Variants in SLC28A3 observed in about 807,000 individuals in gnomAD.
The protein encoded by SLC28A3 is concentrative Na(+)-nucleoside cotransporter 3.
Under a neutral mutation model 84.2 loss-of-function variants are expected in SLC28A3, and 68 were observed. That is an observed-to-expected ratio of 0.81 (90% confidence interval 0.66 to 0.99). The LOEUF (loss-of-function observed/expected upper bound fraction) is 0.99. SLC28A3 is among the 50% of genes least tolerant of loss of function. SLC28A3 has a pLI of 0.00. For synonymous variants in SLC28A3, 267 were observed against 303.6 expected, an observed-to-expected ratio of 0.88 and a Z score of 1.25; for missense variants, 712 against 841.5, an observed-to-expected ratio of 0.85 and a Z score of 1.90.
the SLC28A3 span, among the ~76,000 whole-genome samples, chr9:84,366,665 A>G: frequency 4.5e-4 from 68 of 152,300 alleles, no homozygotes; most frequent in African/African-American, 1.6e-3. Flanking sequence ...ATGGTCTTGG[A>G]CAAGATCTAG....
At chr9:84,297,883 G>A in intron 7 of SLC28A3, 23 bp downstream of exon 7, 1 of 1,571,372 alleles carries the variant, frequency 6.4e-7, no homozygotes, top group Non-Finnish European at 8.6e-7. Flanking sequence ...TAAAAGCAAA[G>A]TGTTCTTTTG....
intron 10 of SLC28A3, among the ~76,000 whole-genome samples, chr9:84,290,991 G>T (rs1363315840): frequency 6.6e-6 from 1 of 152,200 alleles, no homozygotes; most frequent in Non-Finnish European, 1.5e-5. Flanking sequence ...CATTAAGGAG[G>T]ACAGGCAGCC....
chr9:84,314,820 C>T (rs547451804), intron 1 of SLC28A3, among the ~76,000 whole-genome samples: 52 of 152,214 alleles, frequency 3.4e-4, no homozygotes, highest in Admixed American at 5.2e-4. Context: ...GGCTGACGCC[C>T]GTAATCCCAG....
chr9:84,297,351 A>T lies in SLC28A3; in HGVS notation c.784-53T>A. On this transcript the variant is annotated intron_variant, in intron 7 of 17. Coordinates refer to ENST00000376238, the MANE Select transcript of SLC28A3 (RefSeq NM_001199633.2). Reference sequence around the variant, plus strand: ...CATTCCAACCACATGACTGGAAATTAGACAGTGCACAGGAATGCTAGGCTC... The same window carrying T: ...CATTCCAACCACATGACTGGAAATTTGACAGTGCACAGGAATGCTAGGCTC... 4 of 1,438,174 alleles carry T rather than the reference A, an allele frequency of 2.8e-6. No homozygotes were observed. The South Asian group carries it at 4.7e-5, about 17-fold the overall frequency. 89.1% of individuals were successfully genotyped at this position (1,438,174 alleles called of 1,614,324 possible). A position where few individuals can be genotyped will look rare whatever the true frequency, so the allele number is the denominator to read the frequency against.
At chr9:84,303,352 C>T (rs1825691992) in intron 4 of SLC28A3, among the ~76,000 whole-genome samples, 1 of 152,166 alleles carries the variant, frequency 6.6e-6, no homozygotes, top group Admixed American at 6.5e-5. Context: ...TGGAGTTTTG[C>T]TCTTGTTGCC....
At position 84,278,055 on chromosome 9, in the gene SLC28A3, T is replaced by A; in HGVS notation, c.*163A>T. Reference sequence around the variant, plus strand: ...GGGAGGGAGGGGAGGAGGAAAATGTTGTAGCTTTGAAGGTCCACTCTTGTT... The same window carrying A: ...GGGAGGGAGGGGAGGAGGAAAATGTAGTAGCTTTGAAGGTCCACTCTTGTT... On this transcript the variant is annotated 3_prime_UTR_variant, in exon 18 of 18. Transcript: ENST00000376238. 1.1e-6 allele frequency: 1 copy of A among 915,780 alleles called. No individual in the cohort carries two copies. The highest frequency in any genetic ancestry group is 1.6e-6 in the Non-Finnish European group (1 of 636,796). The allele number at this position is 915,780 out of a possible 1,614,324, so 56.7% of individuals were successfully genotyped here.
In SLC28A3 at chr9:84,279,963, A is replaced by G. The variant is rs769720050; in HGVS notation, c.1828+12T>C. Reference sequence around the variant, plus strand: ...CTGTGGGCACTGGGACACAAAGGACAGGGTGCGGTACCTGCGATGCAGGCT... The same window carrying G: ...CTGTGGGCACTGGGACACAAAGGACGGGGTGCGGTACCTGCGATGCAGGCT... On this transcript the variant is annotated intron_variant, in intron 16 of 17. Coordinates refer to ENST00000376238, the MANE Select transcript of SLC28A3 (RefSeq NM_001199633.2). The G allele has an allele frequency of 6.2e-6, 10 of 1,612,794 alleles. No homozygotes were observed. In the South Asian group the frequency reaches 1.1e-4, roughly 18 times the overall value.
At chr9:84,317,534 T>G (rs1028799582) in intron 1 of SLC28A3, among the ~76,000 whole-genome samples, 8 of 152,200 alleles carry the variant, frequency 5.3e-5, no homozygotes, top group Non-Finnish European at 1.2e-4. Context: ...AGCCTCTCCC[T>G]GGCACTGTGC....
chr9:84,321,733 C>CAAA (rs10707383), intron 1 of SLC28A3, among the ~76,000 whole-genome samples: 18 of 65,074 alleles, frequency 2.8e-4, no homozygotes, highest in South Asian at 1.2e-3. Context: ...GACTCCGTCT[C>CAAA]AAAAAAAAAA....
chr9:84,331,673 C>T (rs1349928115), intron 1 of SLC28A3, among the ~76,000 whole-genome samples: 1 of 152,146 alleles, frequency 6.6e-6, no homozygotes, highest in African/African-American at 2.4e-5. Context: ...GGGTTCTGTG[C>T]CTCTGAGAGC....
At chr9:84,362,958 TA>T in the SLC28A3 span, among the ~76,000 whole-genome samples, 1 of 152,162 alleles carries the variant, frequency 6.6e-6, no homozygotes, top group Non-Finnish European at 1.5e-5. Context: ...GTAAAAAAGA[TA>T]AAAATATTTT....
At chr9:84,356,467 C>T in the SLC28A3 span, among the ~76,000 whole-genome samples, 2 of 152,168 alleles carry the variant, frequency 1.3e-5, no homozygotes, top group Admixed American at 6.6e-5. Flanking sequence ...CCTGGGGCTC[C>T]ATCCAGCTAA....
In SLC28A3 at chr9:84,278,099, T is replaced by C. The variant is rs1824589484; in HGVS notation, c.*119A>G. 7.5e-7 allele frequency: 1 copy of C among 1,327,688 alleles called. No individual in the cohort carries two copies. Among genetic ancestry groups the C allele is most frequent in the African/African-American group, 1.5e-5 (1 of 68,196 alleles). The allele number at this position is 1,327,688 out of a possible 1,614,324, so 82.2% of individuals were successfully genotyped here. A position where few individuals can be genotyped will look rare whatever the true frequency, so the allele number is the denominator to read the frequency against. ...TCTTGTTTTTCTTCATTCCTTGCAA[T>C]TAAAGCTGATTCCATTATGGAAGCA... On this transcript the variant is annotated 3_prime_UTR_variant, in exon 18 of 18. Coordinates refer to ENST00000376238, the MANE Select transcript of SLC28A3 (RefSeq NM_001199633.2).
intron 1 of SLC28A3, among the ~76,000 whole-genome samples, chr9:84,314,863 G>A (rs904568753): frequency 6.6e-6 from 1 of 152,190 alleles, no homozygotes; most frequent in Non-Finnish European, 1.5e-5. Context: ...CGGATCACGA[G>A]GTCAGGAGAT....
the SLC28A3 span, among the ~76,000 whole-genome samples, chr9:84,349,426 G>A: frequency 2.0e-5 from 3 of 152,128 alleles, no homozygotes; most frequent in African/African-American, 4.8e-5. Flanking sequence ...TGGTAGAGAC[G>A]GGGTTTCACC....
intron 12 of SLC28A3, 80 bp from the exon 13 acceptor site, chr9:84,286,191 C>A: frequency 7.2e-7 from 1 of 1,397,516 alleles, no homozygotes; most frequent in Admixed American, 2.0e-5. Flanking sequence ...GTAGCATAAT[C>A]AGAGCTTAGA....
intron 8 of SLC28A3, among the ~76,000 whole-genome samples, chr9:84,295,578 A>G (rs1286711251): frequency 6.7e-6 from 1 of 149,976 alleles, no homozygotes; most frequent in Non-Finnish European, 1.5e-5. Flanking sequence ...GCAAGAGTCC[A>G]TCTCACAAAA....
intron 5 of SLC28A3, 21 bp from the exon 6 acceptor site, chr9:84,299,746 G>A: frequency 6.4e-7 from 1 of 1,559,378 alleles, no homozygotes. Context: ...GGGAAAGGAG[G>A]CATTGGCATC....
At chr9:84,361,280 G>T in the SLC28A3 span, among the ~76,000 whole-genome samples, 8 of 152,190 alleles carry the variant, frequency 5.3e-5, no homozygotes, top group African/African-American at 1.9e-4. Flanking sequence ...GGGAGGCAAA[G>T]GTTGCAGTGA....
Sources: allele counts gnomAD v4.1 joint callset (sites outside exome capture counted in the v4.1 genomes callset), GRCh38; gene constraint gnomAD v4.1.1; transcripts MANE v1.5; gene names NCBI Gene and HGNC (gene_info 2026-07-23, HGNC 2026-07-21).